The following ATP13A4 variants were observed in gnomAD, a reference collection of about 807,000 sequenced individuals.
ATP13A4 encodes probable cation-transporting ATPase 13A4.
Under a neutral mutation model 142.5 loss-of-function variants are expected in ATP13A4, and 114 were observed. The ratio of observed to expected loss-of-function variants is 0.80; its 90% confidence interval spans 0.69 to 0.93. The LOEUF (loss-of-function observed/expected upper bound fraction) is 0.93, where lower values mean the gene tolerates loss of function less well. ATP13A4 is among the 40% of genes least tolerant of loss of function. The pLI is 0.00. For synonymous variants in ATP13A4, 488 were observed against 514.8 expected (o/e 0.95, Z 0.70); for missense variants, 1,392 against 1,454.0 (o/e 0.96, Z 0.69).
intron 12 of ATP13A4, among the ~76,000 whole-genome samples, 154 bp downstream of exon 12, chr3:193,464,786 A>C (rs1718165122): frequency 6.6e-6 from 1 of 152,136 alleles, no homozygotes; most frequent in Non-Finnish European, 1.5e-5. Flanking sequence ...AGCTCAAGAG[A>C]CATATCTTTC....
At chr3:193,500,574 G>C (rs1720488393) in intron 3 of ATP13A4, among the ~76,000 whole-genome samples, 1 of 152,134 alleles carries the variant, frequency 6.6e-6, no homozygotes, top group African/African-American at 2.4e-5. Flanking sequence ...CACATGCGCA[G>C]TTCACAATAT....
At chr3:193,404,187 C>T (rs909171787) in intron 29 of ATP13A4, 5 of 982,008 alleles carry the variant, frequency 5.1e-6, no homozygotes, top group Non-Finnish European at 6.0e-6. Context: ...GCAGGAGCAT[C>T]GAGTAAAGGT....
At chr3:193,557,585 G>A (rs143618894), upstream of ATP13A4, among the ~76,000 whole-genome samples, 214 of 152,294 alleles carry the variant, frequency 1.4e-3, no homozygotes, top group Middle Eastern at 6.8e-3. Flanking sequence ...GGAAACACAG[G>A]TGCAGACATT....
intron 18 of ATP13A4, among the ~76,000 whole-genome samples, chr3:193,445,310 C>T (rs561304963): frequency 3.2e-4 from 49 of 151,964 alleles, no homozygotes; most frequent in Non-Finnish European, 6.0e-4. Flanking sequence ...GTGTTGCGTG[C>T]CTGTAATCCC....
At chr3:193,480,408 G>T (rs1192506325) in intron 8 of ATP13A4, among the ~76,000 whole-genome samples, 1 of 151,750 alleles carries the variant, frequency 6.6e-6, no homozygotes, top group Admixed American at 6.6e-5. Context: ...CAGAATCTAC[G>T]AGGAACCCAA....
chr3:193,405,395 A>G (rs1455084568), intron 29 of ATP13A4, among the ~76,000 whole-genome samples: 1 of 152,184 alleles, frequency 6.6e-6, no homozygotes, highest in East Asian at 1.9e-4. Context: ...ATGAGACACA[A>G]GTGTAATCGA....
At chr3:193,528,096 A>C (rs1221191027) in intron 1 of ATP13A4, among the ~76,000 whole-genome samples, 1 of 152,190 alleles carries the variant, frequency 6.6e-6, no homozygotes, top group East Asian at 1.9e-4. Context: ...GAAAAATACA[A>C]ATGGTTTCTG....
intron 1 of ATP13A4, among the ~76,000 whole-genome samples, chr3:193,520,773 A>T (rs1306444097): frequency 2.6e-5 from 4 of 152,188 alleles, no homozygotes; most frequent in Non-Finnish European, 5.9e-5. Flanking sequence ...ATTTTCCATT[A>T]ACAATGTTTA....
upstream of ATP13A4, among the ~76,000 whole-genome samples, chr3:193,556,375 G>A (rs74384598): frequency 0.028 from 4,228 of 152,172 alleles, 61 homozygotes; most frequent in East Asian, 0.033. Context: ...GTGTGTGTGT[G>A]TATATGTTGT....
At chr3:193,531,772 G>A (rs1041619761) in intron 1 of ATP13A4, among the ~76,000 whole-genome samples, 14 of 152,168 alleles carry the variant, frequency 9.2e-5, no homozygotes, top group African/African-American at 3.4e-4. Flanking sequence ...TACTGGGTGT[G>A]ACTGCCATGT....
At chr3:193,509,333 C>T (rs947116613) in intron 2 of ATP13A4, among the ~76,000 whole-genome samples, 2 of 152,078 alleles carry the variant, frequency 1.3e-5, no homozygotes, top group Non-Finnish European at 2.9e-5. Flanking sequence ...ATTTGTGTAC[C>T]GATCTGATTA....
At chr3:193,524,054 C>A (rs981192435) in intron 1 of ATP13A4, among the ~76,000 whole-genome samples, 1 of 152,188 alleles carries the variant, frequency 6.6e-6, no homozygotes, top group African/African-American at 2.4e-5. Flanking sequence ...AATGTGGCTG[C>A]CAACTTTGGA....
chr3:193,490,941 GT>G (rs1315123341), intron 6 of ATP13A4, among the ~76,000 whole-genome samples: 1 of 151,980 alleles, frequency 6.6e-6, no homozygotes, highest in African/African-American at 2.4e-5. Flanking sequence ...TGAATAAATG[GT>G]TTTTTTCTTC....
intron 18 of ATP13A4, among the ~76,000 whole-genome samples, chr3:193,444,132 A>G (rs927922052): frequency 6.6e-6 from 1 of 152,236 alleles, no homozygotes; most frequent in Non-Finnish European, 1.5e-5. Context: ...ACAACCAGAC[A>G]TATAGTAATC....
chr3:193,438,866 A>G (rs1716456915), intron 22 of ATP13A4, among the ~76,000 whole-genome samples, 157 bp downstream of exon 22: 1 of 152,224 alleles, frequency 6.6e-6, no homozygotes, highest in African/African-American at 2.4e-5. Context: ...TTATCCGTCA[A>G]GAGGAATGTA....
intron 23 of ATP13A4, 22 bp downstream of exon 23, chr3:193,438,453 G>T (rs1276714086): frequency 5.2e-6 from 8 of 1,544,932 alleles, no homozygotes; most frequent in Non-Finnish European, 7.2e-6. Context: ...AGAAAACAAT[G>T]TTTGAGGAAG....
chr3:193,470,546 G>T (rs904475524), intron 9 of ATP13A4, among the ~76,000 whole-genome samples: 7 of 152,212 alleles, frequency 4.6e-5, no homozygotes, highest in Non-Finnish European at 8.8e-5. Context: ...AATTCTGAAA[G>T]ATCTAATGAT....
At chr3:193,420,881 G>T (rs966737504) in intron 25 of ATP13A4, among the ~76,000 whole-genome samples, 1 of 149,430 alleles carries the variant, frequency 6.7e-6, no homozygotes, top group Non-Finnish European at 1.5e-5. Context: ...AAGAAAAAAT[G>T]AATATAAAAG....
intron 9 of ATP13A4, 64 bp from the exon 10 acceptor site, chr3:193,467,550 C>A: frequency 1.3e-6 from 2 of 1,507,216 alleles, no homozygotes; most frequent in South Asian, 2.3e-5. Context: ...ATCATGCCTG[C>A]ACCCACTCAT....
Sources: gnomAD v4.1 joint callset for allele counts (sites outside exome capture counted in the v4.1 genomes callset) on GRCh38, gnomAD v4.1.1 for gene constraint, MANE v1.5 for transcripts, NCBI Gene and HGNC (gene_info 2026-07-23, HGNC 2026-07-21) for gene names.